The following BCKDHB variants were observed in gnomAD, a reference collection of about 807,000 sequenced individuals.
BCKDHB encodes branched chain keto acid dehydrogenase E1 subunit beta, also known as 2-oxoisovalerate dehydrogenase subunit beta, mitochondrial.
Under a neutral mutation model 48.5 loss-of-function variants are expected in BCKDHB, and 41 were observed. The ratio of observed to expected loss-of-function variants is 0.85; its 90% CI spans 0.66 to 1.10. The LOEUF (loss-of-function observed/expected upper bound fraction) is 1.10. Among genes scored for constraint, BCKDHB ranks in the 50% least tolerant of loss-of-function variants. The pLI, the probability that BCKDHB is intolerant of heterozygous loss-of-function variation, is 0.00. For synonymous variants in BCKDHB, 201 were observed against 174.8 expected (o/e 1.15, Z -1.18); for missense variants, 496 against 494.2 (o/e 1.00, Z -0.03).
At chr6:80,235,891 T>G (rs1263571083) in intron 8 of BCKDHB, among the ~76,000 whole-genome samples, 3 of 152,180 alleles carry the variant, frequency 2.0e-5, no homozygotes, top group Admixed American at 6.6e-5. Context: ...GAACAACTGG[T>G]CAGTCATATC....
chr6:80,245,161 A>G (rs1266048114), intron 8 of BCKDHB, among the ~76,000 whole-genome samples: 1 of 152,156 alleles, frequency 6.6e-6, no homozygotes, highest in African/African-American at 2.4e-5. Flanking sequence ...TTGCACACAC[A>G]GAAAGTCAAC....
chr6:80,155,837 T>C (rs899374643), intron 3 of BCKDHB, among the ~76,000 whole-genome samples: 1 of 143,896 alleles, frequency 6.9e-6, no homozygotes, highest in Non-Finnish European at 1.5e-5. Context: ...TAATGCAAAG[T>C]TGTTTTTTTT....
chr6:80,390,954 C>A, the BCKDHB span, among the ~76,000 whole-genome samples: 1 of 152,056 alleles, frequency 6.6e-6, no homozygotes, highest in Non-Finnish European at 1.5e-5. Flanking sequence ...GGCAGAAAAA[C>A]GTGAAAAGGA....
At chr6:80,246,408 G>A (rs1776616839) in intron 8 of BCKDHB, among the ~76,000 whole-genome samples, 1 of 152,090 alleles carries the variant, frequency 6.6e-6, no homozygotes, top group African/African-American at 2.4e-5. Flanking sequence ...GCATCTTGTG[G>A]TTGAAGTTTT....
At chr6:80,330,777 G>A (rs1462735861) in intron 9 of BCKDHB, among the ~76,000 whole-genome samples, 1 of 152,162 alleles carries the variant, frequency 6.6e-6, no homozygotes, top group Non-Finnish European at 1.5e-5. Flanking sequence ...GGAAGCATGT[G>A]TTGTTTTCTT....
At chr6:80,449,632 C>G in the BCKDHB span, among the ~76,000 whole-genome samples, 1 of 152,124 alleles carries the variant, frequency 6.6e-6, no homozygotes, top group African/African-American at 2.4e-5. Context: ...GACAAAAACC[C>G]TTTATAGATG....
intron 9 of BCKDHB, among the ~76,000 whole-genome samples, chr6:80,340,384 A>G (rs995210761): frequency 6.6e-6 from 1 of 152,138 alleles, no homozygotes; most frequent in Non-Finnish European, 1.5e-5. Context: ...TACATGTTAC[A>G]CTATAATCTG....
chr6:80,255,354 A>T (rs1196142584), intron 8 of BCKDHB, among the ~76,000 whole-genome samples: 1 of 152,224 alleles, frequency 6.6e-6, no homozygotes. Context: ...TGAGTCATCA[A>T]TGAAAGACTT....
intron 6 of BCKDHB, among the ~76,000 whole-genome samples, chr6:80,200,434 G>T (rs1774335906): frequency 6.6e-6 from 1 of 152,040 alleles, no homozygotes; most frequent in South Asian, 2.1e-4. Context: ...CCATAAATTT[G>T]CTACTTTCTA....
chr6:80,188,306 C>T (rs945781577), intron 6 of BCKDHB, among the ~76,000 whole-genome samples: 5 of 152,156 alleles, frequency 3.3e-5, no homozygotes, highest in Non-Finnish European at 1.5e-5. Flanking sequence ...GGAAGGTAAA[C>T]ATTGAGTACA....
At chr6:80,325,114 C>T (rs963747325) in intron 9 of BCKDHB, among the ~76,000 whole-genome samples, 3 of 151,980 alleles carry the variant, frequency 2.0e-5, no homozygotes, top group African/African-American at 7.3e-5. Context: ...TTCTGAGCAT[C>T]AAATATTTAG....
the BCKDHB span, chr6:80,355,399 C>CAAAAAAAAAAAAAAAAA: frequency 1.3e-5 from 1 of 75,342 alleles, no homozygotes; most frequent in African/African-American, 5.8e-5. Flanking sequence ...GACTCTGTCT[C>CAAAAAAAAAAAAAAAAA]AAAAAAAAAA....
chr6:80,236,922 T>A (rs188019098), intron 8 of BCKDHB, among the ~76,000 whole-genome samples: 7 of 152,318 alleles, frequency 4.6e-5, no homozygotes, highest in African/African-American at 1.4e-4. Flanking sequence ...TAAAATAATT[T>A]AAAAAAATTT....
intron 1 of BCKDHB, among the ~76,000 whole-genome samples, chr6:80,107,421 GT>G (rs1769144523): frequency 1.3e-5 from 1 of 79,978 alleles, no homozygotes; most frequent in South Asian, 4.2e-4. Context: ...GAAATTGTGT[GT>G]ATGTGTGTGT....
At chr6:80,306,854 T>C (rs999111070) in intron 9 of BCKDHB, among the ~76,000 whole-genome samples, 5 of 152,166 alleles carry the variant, frequency 3.3e-5, no homozygotes, top group Non-Finnish European at 7.4e-5. Flanking sequence ...TGGAGGCTCT[T>C]CTTCTGGAGA....
downstream of BCKDHB, among the ~76,000 whole-genome samples, chr6:80,347,999 A>G (rs1770284099): frequency 2.6e-5 from 4 of 152,270 alleles, no homozygotes; most frequent in Middle Eastern, 3.4e-3. Flanking sequence ...ATGGATCTAT[A>G]AACTAATTTA....
Position 80,107,969 on chromosome 6 carries a change from G to A in BCKDHB, c.196+1080G>A, listed in dbSNP as rs539565349. ...CATGCTAGAGCTGACATTTTTGGAA[G>A]TGTGTCTTGTGGATAAGAATGAACA... is the stretch of plus-strand genomic sequence containing the variant. On this transcript the variant is annotated intron_variant, in intron 1 of 9. Transcript: ENST00000320393. 2.0e-4 allele frequency among the ~76,000 whole-genome samples: 30 copies of A among 152,284 alleles called. No homozygotes were observed. In the South Asian group the frequency reaches 6.2e-3, roughly 32 times the overall value.
chr6:80,187,350 A>G (rs1182144216), intron 6 of BCKDHB, among the ~76,000 whole-genome samples: 1 of 152,126 alleles, frequency 6.6e-6, no homozygotes, highest in Non-Finnish European at 1.5e-5. Flanking sequence ...ATCTCCTATG[A>G]TTTATTTTAA....
rs1354235646 is a variant in BCKDHB, at chr6:80,284,997, C to G, written c.1038+11776C>G. ...GTGTTGCATTTTTCTTCTTGTTCTG[C>G]TAGTCTTTTTTCTAATAGCAATGGT... is the stretch of plus-strand genomic sequence containing the variant. On this transcript the variant is annotated intron_variant, in intron 9 of 9. Coordinates refer to ENST00000320393, the MANE Select transcript of BCKDHB (RefSeq NM_183050.4). 2.6e-5 allele frequency among the ~76,000 whole-genome samples: 4 copies of G among 152,146 alleles called. 1 individual carries two copies. Among genetic ancestry groups the G allele is most frequent in the South Asian group, 4.1e-4 (2 of 4,828 alleles).
Sources: gnomAD v4.1 joint callset for allele counts (sites outside exome capture counted in the v4.1 genomes callset) on GRCh38, gnomAD v4.1.1 for gene constraint, MANE v1.5 for transcripts, NCBI Gene and HGNC (gene_info 2026-07-23, HGNC 2026-07-21) for gene names.